RALGPS2: variants seen among roughly 807,000 people sequenced by gnomAD.
RALGPS2 encodes the protein Ral GEF with PH domain and SH3 binding motif 2.
A neutral mutation model predicts 86.8 loss-of-function variants in RALGPS2; 43 were observed. That is an observed-to-expected ratio of 0.50 (90% confidence interval 0.39 to 0.64). RALGPS2 has a LOEUF of 0.64. Among genes scored for constraint, RALGPS2 ranks in the 30% least tolerant of loss-of-function variants. The pLI is 0.00. For missense variants in RALGPS2, 536 were observed against 694.6 expected (o/e 0.77, Z 2.57); for synonymous variants, 243 against 231.3 (o/e 1.05, Z -0.46).
chr1:178,917,103 C>CT lies in RALGPS2; in HGVS notation c.*753dup, dbSNP rs972447989. 2 of 150,982 alleles carry CT rather than the reference C, an allele frequency of 1.3e-5. No individual in the cohort carries two copies. The highest frequency in any genetic ancestry group is 2.4e-5 in the African/African-American group (1 of 41,070). 9.4% of individuals were successfully genotyped at this position (150,982 alleles called of 1,614,324 possible). A position where few individuals can be genotyped will look rare whatever the true frequency, so the allele number is the denominator to read the frequency against. On this transcript the variant is annotated 3_prime_UTR_variant, in exon 20 of 20. Transcript: ENST00000367635. ...AGGCTGTGTGTTCATTTGCCAGACG[C>CT]TTTTTTTTTAAATAGGTTCCAGAAA...
intron 8 of RALGPS2, among the ~76,000 whole-genome samples, chr1:178,857,999 A>G (rs1018957060): frequency 1.3e-5 from 2 of 152,160 alleles, no homozygotes; most frequent in African/African-American, 2.4e-5. Context: ...GATTATCTTC[A>G]GCTTTAATTT....
intron 8 of RALGPS2, among the ~76,000 whole-genome samples, chr1:178,874,835 T>C (rs2102359084): frequency 1.3e-5 from 2 of 152,284 alleles, no homozygotes; most frequent in South Asian, 4.1e-4. Context: ...TTGCCCAGAC[T>C]GGTCTCAAAC....
intron 17 of RALGPS2, among the ~76,000 whole-genome samples, chr1:178,898,516 G>A (rs202030812): frequency 2.0e-5 from 3 of 151,942 alleles, no homozygotes. Context: ...CACAGGTATA[G>A]AAAAGAACAT....
At chr1:178,747,721 A>G (rs556665939) in intron 1 of RALGPS2, 79 of 1,242,410 alleles carry the variant, frequency 6.4e-5, no homozygotes, top group Non-Finnish European at 9.1e-5. Context: ...TGAGCATCCA[A>G]CTCCTTGAAC....
At chr1:178,776,976 G>GTATATGTAC (rs1403746822) in intron 2 of RALGPS2, among the ~76,000 whole-genome samples, 155 bp downstream of exon 2, 5 of 151,440 alleles carry the variant, frequency 3.3e-5, no homozygotes, top group Non-Finnish European at 7.4e-5. Context: ...TATACTTTAA[G>GTATATGTAC]TTTTAGGGTA....
At chr1:178,743,868 C>CA (rs796763104) in intron 1 of RALGPS2, among the ~76,000 whole-genome samples, 30 of 150,486 alleles carry the variant, frequency 2.0e-4, no homozygotes, top group Admixed American at 5.3e-4. Context: ...ATTTCCACAC[C>CA]AAAAAAAAAC....
At chr1:178,830,780 T>C (rs898519589) in intron 7 of RALGPS2, among the ~76,000 whole-genome samples, 2 of 152,030 alleles carry the variant, frequency 1.3e-5, no homozygotes, top group African/African-American at 2.4e-5. Flanking sequence ...TTTCTGTTCA[T>C]CAAAAGATAC....
intron 1 of RALGPS2, among the ~76,000 whole-genome samples, chr1:178,728,968 C>T (rs1390784834): frequency 6.6e-6 from 1 of 152,184 alleles, no homozygotes; most frequent in East Asian, 1.9e-4. Context: ...TCTATATATA[C>T]ATACAGTTAT....
chr1:178,740,015 C>G (rs896969912), intron 1 of RALGPS2, among the ~76,000 whole-genome samples: 1 of 152,152 alleles, frequency 6.6e-6, no homozygotes, highest in Admixed American at 6.5e-5. Context: ...AGTGGGTTTT[C>G]CTCCTCAGTT....
rs1156400214 is a variant in RALGPS2, at chr1:178,919,341, A to T, written c.*2982A>T. ...TATTTTTTTCTGTGTGGAAAATGCC[A>T]TGTAACTATTGCACTACCTTCTGTG... On this transcript the variant is annotated 3_prime_UTR_variant, in exon 20 of 20. Coordinates refer to ENST00000367635, the MANE Select transcript of RALGPS2 (RefSeq NM_152663.5). 1 of 152,004 alleles carries T rather than the reference A, an allele frequency of 6.6e-6. No individual in the cohort carries two copies. The highest frequency in any genetic ancestry group is 1.5e-5 in the Non-Finnish European group (1 of 67,920). 9.4% of individuals were successfully genotyped at this position (152,004 alleles called of 1,614,324 possible). A position where few individuals can be genotyped will look rare whatever the true frequency, so the allele number is the denominator to read the frequency against.
At chr1:178,905,659 G>A (rs1660359654) in intron 18 of RALGPS2, among the ~76,000 whole-genome samples, 2 of 152,164 alleles carry the variant, frequency 1.3e-5, no homozygotes, top group South Asian at 4.1e-4. Context: ...AGCACAAATT[G>A]TGAAATAAAA....
rs573324979 is a variant in RALGPS2 at position 178,729,442 on chromosome 1, G to A, written c.-84+4023G>A. Among the ~76,000 whole-genome samples, 23 of 152,128 alleles carry A rather than the reference G, an allele frequency of 1.5e-4. No individual in the cohort carries two copies. The South Asian group carries it at 4.8e-3, about 32-fold the overall frequency. ...CACGTAGTGATGCTCAGATATTTGT[G>A]GGGTATTGTTATTAAGTGATCAAAG... On this transcript the variant is annotated intron_variant, in intron 1 of 19. Transcript: ENST00000367635.
chr1:178,878,039 T>C (rs1659071965), intron 9 of RALGPS2, among the ~76,000 whole-genome samples: 1 of 152,114 alleles, frequency 6.6e-6, no homozygotes, highest in South Asian at 2.1e-4. Flanking sequence ...CTCCCTGATC[T>C]ATTATGTAAA....
chr1:178,865,016 TC>T (rs776957583), intron 8 of RALGPS2: 1 of 1,480,622 alleles, frequency 6.8e-7, no homozygotes, highest in Non-Finnish European at 9.0e-7. Context: ...AGTTGCCAGA[TC>T]AGGTGGTGGC....
At chr1:178,775,093 T>G (rs1653010665) in intron 1 of RALGPS2, among the ~76,000 whole-genome samples, 1 of 152,212 alleles carries the variant, frequency 6.6e-6, no homozygotes, top group African/African-American at 2.4e-5. Flanking sequence ...TAGTAACATC[T>G]GCATCATCAT....
chr1:178,830,290 A>G (rs1655955966), intron 7 of RALGPS2, among the ~76,000 whole-genome samples: 1 of 152,176 alleles, frequency 6.6e-6, no homozygotes, highest in Non-Finnish European at 1.5e-5. Flanking sequence ...TAAAGAAGAC[A>G]ATGGGAATTG....
intron 1 of RALGPS2, among the ~76,000 whole-genome samples, chr1:178,768,430 G>T (rs558677240): frequency 6.6e-6 from 1 of 152,282 alleles, no homozygotes. Context: ...AGAATGCTGG[G>T]TAGGGTCTTT....
intron 4 of RALGPS2, among the ~76,000 whole-genome samples, chr1:178,787,985 C>G (rs1256056507): frequency 1.3e-5 from 2 of 152,168 alleles, no homozygotes; most frequent in East Asian, 3.8e-4. Flanking sequence ...GGATAAAGAA[C>G]CATCTTAATA....
intron 7 of RALGPS2, among the ~76,000 whole-genome samples, chr1:178,831,601 A>G (rs1229164848): frequency 1.3e-5 from 2 of 151,864 alleles, no homozygotes; most frequent in African/African-American, 2.4e-5. Context: ...TAGAAGTAGA[A>G]CACTGTGAAG....
Sources: gnomAD v4.1 joint callset for allele counts (sites outside exome capture counted in the v4.1 genomes callset) on GRCh38, gnomAD v4.1.1 for gene constraint, MANE v1.5 for transcripts, NCBI Gene and HGNC (gene_info 2026-07-23, HGNC 2026-07-21) for gene names.